Variants in SH3BGRL observed in about 807,000 individuals in gnomAD.
SH3BGRL encodes SH3 domain binding glutamate rich protein like.
SH3BGRL carries 7 observed loss-of-function variants against 9.8 expected under a neutral mutation model. The observed-to-expected ratio is 0.72, with a 90% confidence interval of 0.41 to 1.35. The LOEUF is 1.35. Ranked by LOEUF, SH3BGRL falls within the 40% of genes most tolerant of loss-of-function variation. The probability of loss-of-function intolerance (pLI) is 0.01; values close to 1 mark genes in which losing one functional copy is unlikely to be tolerated. For synonymous variants in SH3BGRL, 36 were observed against 29.1 expected (o/e 1.24, Z -0.76); for missense variants, 73 against 84.4 (o/e 0.86, Z 0.53).
intron 3 of SH3BGRL, among the ~76,000 whole-genome samples, chrX:81,284,155 A>T (rs1015800124): frequency 9.0e-6 from 1 of 111,309 alleles, no homozygotes; most frequent in Non-Finnish European, 1.9e-5. Context: ...CACTGCTGAA[A>T]GAAATCATAG....
chrX:81,236,018 C>T (rs1021697449), intron 1 of SH3BGRL, among the ~76,000 whole-genome samples: 14 of 111,678 alleles, frequency 1.3e-4, no homozygotes, highest in African/African-American at 3.6e-4. Flanking sequence ...AATTACTACC[C>T]TGACCAATCT....
chrX:81,266,303 G>T (rs2075756885), intron 1 of SH3BGRL, among the ~76,000 whole-genome samples: 1 of 111,610 alleles, frequency 9.0e-6, no homozygotes, highest in South Asian at 3.7e-4. Flanking sequence ...TATTGCCCAG[G>T]TTTTCTTCTA....
At chrX:81,237,037 G>A (rs1464629702) in intron 1 of SH3BGRL, 1 of 816,201 alleles carries the variant, frequency 1.2e-6, no homozygotes, top group Non-Finnish European at 1.6e-6. Flanking sequence ...ATGGAAATTA[G>A]ATAGATTCCA....
Position 81,290,773 on chromosome X carries a change from C to A in SH3BGRL, c.313-6422C>A, listed in dbSNP as rs143044794. Among the ~76,000 whole-genome samples the A allele has an allele frequency of 4.9e-4, 54 of 109,241 alleles. No homozygotes were observed. The East Asian group carries it at 0.015, about 30-fold the overall frequency. 94.9% of individuals were successfully genotyped at this position (109,241 alleles called of 115,157 possible). A position where few individuals can be genotyped will look rare whatever the true frequency, so the allele number is the denominator to read the frequency against. On this transcript the variant is annotated intron_variant, in intron 3 of 3. Transcript: ENST00000373212. ...CAATACATATTGGAGTTATGGATAC[C>A]CCGTTTACCCAGATGTGATTATTAT...
At chrX:81,223,644 TTCCTATATGAAAC>T (rs1335024225) in intron 1 of SH3BGRL, among the ~76,000 whole-genome samples, 1 of 111,297 alleles carries the variant, frequency 9.0e-6, no homozygotes, top group African/African-American at 3.3e-5. Flanking sequence ...AAGGGGAATA[TTCCTATATGAAAC>T]TCAAGACATA....
At position 81,202,214 on chromosome X, in the gene SH3BGRL, T is replaced by G; in HGVS notation, c.14T>G (p.Val5Gly). Residue 5 changes from valine to glycine, a missense_variant, in exon 1 of 4, where the codon GTA (valine) becomes GGA (glycine). Val to Gly is a moderately radical substitution (Grantham distance 109). Coordinates refer to ENST00000373212, the MANE Select transcript of SH3BGRL (RefSeq NM_003022.3). The stretch of plus-strand genomic sequence containing the variant: ...GCTGTTCCCAGGATGGTGATCCGTG[T>G]ATATATTGCATCTTCCTCTGGCTCT... Reference protein sequence around the residue: MVIRVYIASSSGSTA... With the variant: MVIRGYIASSSGSTA... 2 of 1,209,306 alleles carry G rather than the reference T, an allele frequency of 1.7e-6. No homozygotes were observed. Among genetic ancestry groups the G allele is most frequent in the Non-Finnish European group, 2.2e-6 (2 of 894,287 alleles).
At chrX:81,206,609 G>A (rs1421389927) in intron 1 of SH3BGRL, among the ~76,000 whole-genome samples, 17 of 111,236 alleles carry the variant, frequency 1.5e-4, no homozygotes, top group Non-Finnish European at 3.2e-4. Flanking sequence ...ATTTGAACAC[G>A]AGTAAGAGGT....
chrX:81,236,149 A>G (rs963111218), intron 1 of SH3BGRL, among the ~76,000 whole-genome samples: 4 of 111,584 alleles, frequency 3.6e-5, no homozygotes, highest in Non-Finnish European at 7.5e-5. Flanking sequence ...AGACTCTATA[A>G]TCACCGAATA....
chrX:81,266,136 C>T (rs933079115), intron 1 of SH3BGRL, among the ~76,000 whole-genome samples: 51 of 111,698 alleles, frequency 4.6e-4, no homozygotes, highest in Admixed American at 3.6e-3. Flanking sequence ...AATTTTCTCC[C>T]GTTCTGTAGG....
chrX:81,234,450 T>C (rs1324869366), intron 1 of SH3BGRL, among the ~76,000 whole-genome samples: 2 of 112,286 alleles, frequency 1.8e-5, no homozygotes, highest in Non-Finnish European at 3.8e-5. Flanking sequence ...GTTTTGATTA[T>C]TTTGCATTCA....
At chrX:81,280,424 C>T (rs2075812643) in intron 3 of SH3BGRL, among the ~76,000 whole-genome samples, 2 of 111,819 alleles carry the variant, frequency 1.8e-5, no homozygotes, top group Non-Finnish European at 1.9e-5. Context: ...CCATTGCACC[C>T]TCCACCTCCT....
intron 1 of SH3BGRL, among the ~76,000 whole-genome samples, chrX:81,239,493 G>T (rs1042504992): frequency 9.0e-6 from 1 of 111,346 alleles, no homozygotes; most frequent in African/African-American, 3.3e-5. Flanking sequence ...GGAGACAAAA[G>T]AAAAAAGAAT....
At chrX:81,284,913 T>C (rs1170115921) in intron 3 of SH3BGRL, among the ~76,000 whole-genome samples, 1 of 111,215 alleles carries the variant, frequency 9.0e-6, no homozygotes, top group African/African-American at 3.3e-5. Context: ...GTTTCTTCCA[T>C]CATTGCTTAA....
chrX:81,278,273 C>T, intron 2 of SH3BGRL, 58 bp from the exon 3 acceptor site: 1 of 892,083 alleles, frequency 1.1e-6, no homozygotes, highest in Non-Finnish European at 1.6e-6. Flanking sequence ...GAATAAATTT[C>T]CTTTTTTTCT....
At chrX:81,294,418 G>A (rs2075867597) in intron 3 of SH3BGRL, among the ~76,000 whole-genome samples, 1 of 110,799 alleles carries the variant, frequency 9.0e-6, no homozygotes, top group South Asian at 3.8e-4. Context: ...TGCCATGGCT[G>A]TGGTGGGCAC....
intron 3 of SH3BGRL, among the ~76,000 whole-genome samples, chrX:81,285,155 T>C (rs2147717821): frequency 9.0e-6 from 1 of 111,468 alleles, no homozygotes; most frequent in African/African-American, 3.2e-5. Flanking sequence ...TTCTAGAGTT[T>C]TCCCCTTTAA....
chrX:81,258,472 A>G (rs2075732107), intron 1 of SH3BGRL, among the ~76,000 whole-genome samples: 1 of 112,426 alleles, frequency 8.9e-6, no homozygotes, highest in South Asian at 3.6e-4. Flanking sequence ...TGCTATCAAA[A>G]TATTTCTGAT....
chrX:81,279,652 G>C (rs1180863081), intron 3 of SH3BGRL, among the ~76,000 whole-genome samples: 1 of 111,298 alleles, frequency 9.0e-6, no homozygotes, highest in Non-Finnish European at 1.9e-5. Flanking sequence ...CGAAATACAG[G>C]GGTAAAGGAA....
At chrX:81,221,886 T>C (rs2075600982) in intron 1 of SH3BGRL, among the ~76,000 whole-genome samples, 1 of 112,218 alleles carries the variant, frequency 8.9e-6, no homozygotes, top group African/African-American at 3.2e-5. Context: ...TGACTTTTAG[T>C]CTGTTCCACC....
Sources: allele counts gnomAD v4.1 joint callset (sites outside exome capture counted in the v4.1 genomes callset), GRCh38; gene constraint gnomAD v4.1.1; transcripts MANE v1.5; gene names NCBI Gene and HGNC (gene_info 2026-07-23, HGNC 2026-07-21).